STAG1: variants seen among roughly 807,000 people sequenced by gnomAD.
STAG1 encodes the protein cohesin subunit SA-1.
In STAG1, 26 loss-of-function variants were observed where a neutral mutation model predicts 170.9. The ratio of observed to expected loss-of-function variants is 0.15; its 90% CI spans 0.11 to 0.21. The LOEUF (loss-of-function observed/expected upper bound fraction) is 0.21. STAG1 is among the 10% of genes least tolerant of loss of function. The pLI, the probability that STAG1 is intolerant of heterozygous loss-of-function variation, is 1.00. For missense variants in STAG1, 964 were observed against 1,509.5 expected (o/e 0.64, Z 5.99); for synonymous variants, 514 against 497.7 (o/e 1.03, Z -0.44).
intron 22 of STAG1, among the ~76,000 whole-genome samples, chr3:136,381,037 G>GAAAAAAAA (rs58810961): frequency 9.5e-6 from 1 of 105,024 alleles, no homozygotes. Context: ...AAAAAAAAAA[G>GAAAAAAAA]AAAAAAAAAA....
chr3:136,486,999 CAAAAAAAAAAAAAAAA>C (rs536392595), intron 9 of STAG1, among the ~76,000 whole-genome samples: 17 of 54,662 alleles, frequency 3.1e-4, no homozygotes, highest in African/African-American at 5.5e-4. Context: ...TTTATTTCTT[CAAAAAAAAAAAAAAAA>C]AAAAAAAAAA....
At chr3:136,388,656 C>T (rs967388655) in intron 22 of STAG1, among the ~76,000 whole-genome samples, 3 of 151,872 alleles carry the variant, frequency 2.0e-5, no homozygotes, top group East Asian at 1.9e-4. Flanking sequence ...CATCAGCCAC[C>T]GCACCTGGCA....
At chr3:136,636,307 C>T (rs1423554128) in intron 1 of STAG1, among the ~76,000 whole-genome samples, 7 of 151,478 alleles carry the variant, frequency 4.6e-5, no homozygotes, top group Admixed American at 2.6e-4. Flanking sequence ...AGACATACAA[C>T]GCAGGTGGTG....
At chr3:136,648,381 T>G (rs753832012) in intron 1 of STAG1, among the ~76,000 whole-genome samples, 1 of 152,152 alleles carries the variant, frequency 6.6e-6, no homozygotes, top group Non-Finnish European at 1.5e-5. Flanking sequence ...TTATGTTAGG[T>G]AGTAAAAAGG....
At chr3:136,391,626 C>T (rs5026242) in intron 22 of STAG1, among the ~76,000 whole-genome samples, 53,966 of 152,082 alleles carry the variant, frequency 0.35, 10,569 homozygotes, top group African/African-American at 0.51. Context: ...CTGCCCGCCT[C>T]GGCCTCCCAA....
chr3:136,557,781 C>T (rs879603370), intron 5 of STAG1, among the ~76,000 whole-genome samples: 2 of 152,036 alleles, frequency 1.3e-5, no homozygotes, highest in African/African-American at 4.8e-5. Flanking sequence ...TCAAGTGATC[C>T]GCCTGCCTCA....
intron 1 of STAG1, among the ~76,000 whole-genome samples, chr3:136,729,378 T>C (rs1325317342): frequency 6.6e-6 from 1 of 152,024 alleles, no homozygotes; most frequent in Non-Finnish European, 1.5e-5. Context: ...CTCTCCCTCT[T>C]TGTGAATGGT....
At chr3:136,742,339 A>C (rs1022865860) in intron 1 of STAG1, among the ~76,000 whole-genome samples, 1 of 152,242 alleles carries the variant, frequency 6.6e-6, no homozygotes, top group Non-Finnish European at 1.5e-5. Flanking sequence ...TTAAAGGATT[A>C]AAATCATAAA....
chr3:136,511,099 G>A (rs1934042905), intron 7 of STAG1, among the ~76,000 whole-genome samples: 1 of 152,120 alleles, frequency 6.6e-6, no homozygotes, highest in African/African-American at 2.4e-5. Flanking sequence ...ATACGTCTCT[G>A]GCATTTCCCC....
chr3:136,340,406 G>A, intron 32 of STAG1, 85 bp downstream of exon 32: 1 of 864,200 alleles, frequency 1.2e-6, no homozygotes, highest in South Asian at 1.5e-5. Flanking sequence ...ACAGGTGTGA[G>A]CCACCATGCC....
At chr3:136,360,878 C>T (rs1936837887) in intron 26 of STAG1, among the ~76,000 whole-genome samples, 1 of 152,076 alleles carries the variant, frequency 6.6e-6, no homozygotes, top group African/African-American at 2.4e-5. Flanking sequence ...CCATGTTAGC[C>T]AGGATGGTCT....
intron 22 of STAG1, among the ~76,000 whole-genome samples, chr3:136,388,470 G>T (rs1257294387): frequency 6.6e-6 from 1 of 152,136 alleles, no homozygotes; most frequent in African/African-American, 2.4e-5. Flanking sequence ...CTGGGTTCAA[G>T]CGATTCTGTT....
intron 13 of STAG1, 24 bp downstream of exon 13, chr3:136,464,857 G>C (rs766595794): frequency 2.0e-5 from 31 of 1,579,210 alleles, no homozygotes; most frequent in Non-Finnish European, 2.5e-5. Context: ...AAGTAGAACC[G>C]GTTTTCAAAG....
At chr3:136,478,640 T>C (rs1215948630) in intron 9 of STAG1, among the ~76,000 whole-genome samples, 1 of 152,190 alleles carries the variant, frequency 6.6e-6, no homozygotes, top group Non-Finnish European at 1.5e-5. Context: ...TAGTTTCTCT[T>C]TGGTGACAAA....
At chr3:136,542,394 T>A (rs534185194) in intron 5 of STAG1, among the ~76,000 whole-genome samples, 199 bp from the exon 6 acceptor site, 15 of 152,294 alleles carry the variant, frequency 9.8e-5, no homozygotes, top group Non-Finnish European at 2.2e-4. Flanking sequence ...GGAAGAATTT[T>A]GAAATTGCCG....
intron 1 of STAG1, among the ~76,000 whole-genome samples, chr3:136,681,453 T>C (rs1445544186): frequency 6.6e-6 from 1 of 152,036 alleles, no homozygotes; most frequent in African/African-American, 2.4e-5. Context: ...GGGGGAAAAA[T>C]ACACTCCCTT....
At chr3:136,692,634 CA>C (rs919944582) in intron 1 of STAG1, among the ~76,000 whole-genome samples, 104 of 135,934 alleles carry the variant, frequency 7.7e-4, no homozygotes, top group Admixed American at 1.3e-3. Context: ...GACTCTGTCT[CA>C]AAAAAAAAAA....
At chr3:136,699,639 T>C (rs1199095901) in intron 1 of STAG1, among the ~76,000 whole-genome samples, 1 of 151,036 alleles carries the variant, frequency 6.6e-6, no homozygotes, top group African/African-American at 2.4e-5. Context: ...TGGATGGAGG[T>C]AGAGGCCATT....
intron 1 of STAG1, among the ~76,000 whole-genome samples, chr3:136,683,675 T>C (rs994042730): frequency 2.0e-5 from 3 of 151,898 alleles, no homozygotes; most frequent in Non-Finnish European, 2.9e-5. Context: ...TTTTCGACAA[T>C]GTAATGGAAG....
Sources: allele counts gnomAD v4.1 joint callset (sites outside exome capture counted in the v4.1 genomes callset), GRCh38; gene constraint gnomAD v4.1.1; transcripts MANE v1.5; gene names NCBI Gene and HGNC (gene_info 2026-07-23, HGNC 2026-07-21).